Variants in NPTN observed in about 807,000 individuals in gnomAD.
The protein encoded by NPTN is neuroplastin, also known as SDR-1.
Under a neutral mutation model 42.7 loss-of-function variants are expected in NPTN, and 5 were observed. The ratio of observed to expected loss-of-function variants is 0.12; its 90% confidence interval spans 0.06 to 0.25. NPTN has a LOEUF of 0.25. Among genes scored for constraint, NPTN ranks in the 10% least tolerant of loss-of-function variants. The probability of loss-of-function intolerance (pLI) is 1.00; values close to 1 mark genes in which losing one functional copy is unlikely to be tolerated. For missense variants in NPTN, 307 were observed against 525.4 expected, an observed-to-expected ratio of 0.58 and a Z score of 4.06; for synonymous variants, 180 against 201.9, an observed-to-expected ratio of 0.89 and a Z score of 0.92.
intron 6 of NPTN, among the ~76,000 whole-genome samples, chr15:73,566,408 G>A (rs566443017): frequency 1.8e-4 from 27 of 152,218 alleles, no homozygotes; most frequent in Non-Finnish European, 3.4e-4. Flanking sequence ...CTTAAAGAGA[G>A]TCCCTTTGAC....
At chr15:73,582,742 GGT>G (rs1170885855) in intron 4 of NPTN, among the ~76,000 whole-genome samples, 1 of 152,198 alleles carries the variant, frequency 6.6e-6, no homozygotes, top group Non-Finnish European at 1.5e-5. Flanking sequence ...AGTGGGTAGA[GGT>G]GTGGGAGTCA....
chr15:73,573,520 G>T (rs1157264307), intron 5 of NPTN, 142 bp downstream of exon 5: 5 of 889,684 alleles, frequency 5.6e-6, no homozygotes, highest in Non-Finnish European at 6.6e-6. Flanking sequence ...CTTGATTCAT[G>T]CTGTAAACCG....
intron 1 of NPTN, among the ~76,000 whole-genome samples, chr15:73,603,355 A>T (rs1205722105): frequency 1.3e-5 from 2 of 152,268 alleles, no homozygotes; most frequent in Non-Finnish European, 2.9e-5. Context: ...CTTCACATCC[A>T]AAATGAGCTT....
chr15:73,608,722 G>C (rs1169631836), intron 1 of NPTN, among the ~76,000 whole-genome samples: 1 of 152,210 alleles, frequency 6.6e-6, no homozygotes, highest in Non-Finnish European at 1.5e-5. Flanking sequence ...AAGGAGTTAA[G>C]AAGCTCCTTC....
At chr15:73,633,090 A>G (rs1400379912) in intron 1 of NPTN, 35 bp downstream of exon 1, 2 of 1,376,288 alleles carry the variant, frequency 1.5e-6, no homozygotes, top group Non-Finnish European at 9.4e-7. Flanking sequence ...GCGCCCCTCA[A>G]CCCCCGCCCG....
chr15:73,567,004 T>C (rs1895059827), intron 6 of NPTN: 1 of 14,216 alleles, frequency 7.0e-5, no homozygotes, highest in Non-Finnish European at 1.1e-4. Flanking sequence ...ACATGGGGCT[T>C]TTTTTTTTTT....
rs570710905 is a variant in NPTN, at chr15:73,622,349, G to A, written c.91+10776C>T. Among the ~76,000 whole-genome samples the A allele has an allele frequency of 7.2e-5, 11 of 152,012 alleles. No individual in the cohort carries two copies. In the South Asian group the frequency reaches 1.9e-3, roughly 26 times the overall value. The stretch of plus-strand genomic sequence containing the variant: ...ATACCTTTTTCTTCTTCCAAACCAA[G>A]AATACAAATATATTCCAAGCCCCCA... On this transcript the variant is annotated intron_variant, in intron 1 of 8. Coordinates refer to ENST00000345330, the MANE Select transcript of NPTN (RefSeq NM_012428.4).
At chr15:73,583,194 G>A (rs529234807) in intron 4 of NPTN, among the ~76,000 whole-genome samples, 2 of 152,318 alleles carry the variant, frequency 1.3e-5, no homozygotes, top group South Asian at 2.1e-4. Context: ...ACCCAGAGAA[G>A]GGAAGTGACT....
rs372320012 is a variant in NPTN, at chr15:73,609,629, C to T, written c.92-12260G>A. Among the ~76,000 whole-genome samples the T allele has an allele frequency of 4.0e-5, 6 of 151,846 alleles. No individual in the cohort carries two copies. In the East Asian group the frequency reaches 7.7e-4, roughly 20 times the overall value. The stretch of plus-strand genomic sequence containing the variant: ...CTGGGTGACAGAGCGAAACTCCGTC[C>T]CTGAAAACAAACAAACAAACAAAAA... On this transcript the variant is annotated intron_variant, in intron 1 of 8. Coordinates refer to ENST00000345330, the MANE Select transcript of NPTN (RefSeq NM_012428.4).
At chr15:73,565,761 T>A (rs1894952429) in intron 6 of NPTN, 1 of 456,298 alleles carries the variant, frequency 2.2e-6, no homozygotes, top group Non-Finnish European at 4.4e-6. Context: ...CTTATGAGAG[T>A]GAAGTTACCG....
intron 1 of NPTN, among the ~76,000 whole-genome samples, chr15:73,601,808 C>G (rs1897095741): frequency 6.6e-6 from 1 of 152,170 alleles, no homozygotes; most frequent in Non-Finnish European, 1.5e-5. Flanking sequence ...GGAAACTGAA[C>G]AGTGGTTACT....
chr15:73,580,439 A>T (rs1895946344), intron 4 of NPTN, among the ~76,000 whole-genome samples: 1 of 81,816 alleles, frequency 1.2e-5, no homozygotes. Context: ...TATAATATAT[A>T]TAATATATAT....
chr15:73,584,989 TTG>T (rs1896246386), intron 4 of NPTN, among the ~76,000 whole-genome samples: 1 of 152,160 alleles, frequency 6.6e-6, no homozygotes, highest in Admixed American at 6.5e-5. Context: ...AACTCAAGAT[TTG>T]GTAATCTGAC....
intron 1 of NPTN, among the ~76,000 whole-genome samples, chr15:73,631,488 T>C (rs1013486789): frequency 1.3e-5 from 2 of 152,214 alleles, no homozygotes; most frequent in African/African-American, 2.4e-5. Context: ...TACGAACACA[T>C]ATTTAACTGA....
At position 73,570,879 on chromosome 15, in the gene NPTN, C is replaced by T. The variant is rs560852630; in HGVS notation, c.841-456G>A. ...GTTCTGAGGAAGTCTCCTTAAACTT[C>T]CTCCACAAACAATGCTAAGAACTCA... On this transcript the variant is annotated intron_variant, in intron 5 of 8. Transcript: ENST00000345330. The surrounding 1 kb of genome is among the most constrained non-coding windows in gnomAD (Gnocchi z 4.0). 2.0e-5 allele frequency among the ~76,000 whole-genome samples: 3 copies of T among 152,326 alleles called. No individual in the cohort carries two copies. The highest frequency in any genetic ancestry group is 2.0e-4 in the Admixed American group (3 of 15,304).
At chr15:73,595,216 G>A (rs1211532151) in intron 2 of NPTN, among the ~76,000 whole-genome samples, 1 of 152,188 alleles carries the variant, frequency 6.6e-6, no homozygotes, top group African/African-American at 2.4e-5. Flanking sequence ...GGAAGTATAA[G>A]TGCAAATGCC....
intron 7 of NPTN, among the ~76,000 whole-genome samples, chr15:73,562,616 C>T (rs989381479): frequency 6.6e-6 from 1 of 152,088 alleles, no homozygotes; most frequent in South Asian, 2.1e-4. Context: ...GAGATTCTGC[C>T]GATCTTAGAT....
chr15:73,630,637 T>C (rs1193294188), intron 1 of NPTN, among the ~76,000 whole-genome samples: 2 of 152,224 alleles, frequency 1.3e-5, no homozygotes, highest in Non-Finnish European at 2.9e-5. Flanking sequence ...TTGAAAAACA[T>C]CTATATTCAA....
At chr15:73,612,594 C>A (rs529884330) in intron 1 of NPTN, among the ~76,000 whole-genome samples, 1 of 151,920 alleles carries the variant, frequency 6.6e-6, no homozygotes, top group African/African-American at 2.4e-5. Flanking sequence ...GGTGAAACCC[C>A]GCCTCTACTA....
Sources: gnomAD v4.1 joint callset for allele counts (sites outside exome capture counted in the v4.1 genomes callset) on GRCh38, gnomAD v4.1.1 for gene constraint, Gnocchi (gnomAD v3.1) non-coding constraint, MANE v1.5 for transcripts, NCBI Gene and HGNC (gene_info 2026-07-23, HGNC 2026-07-21) for gene names.